The following MYL3 variants were observed in gnomAD, a reference collection of about 807,000 sequenced individuals.
MYL3 encodes CMLC1.
Under a neutral mutation model 21.3 loss-of-function variants are expected in MYL3, and 11 were observed. The ratio of observed to expected loss-of-function variants is 0.52; its 90% confidence interval spans 0.32 to 0.85. The LOEUF (loss-of-function observed/expected upper bound fraction) is 0.85, where lower values mean the gene tolerates loss of function less well. MYL3 is among the 40% of genes least tolerant of loss of function. MYL3 has a pLI of 0.03. For synonymous variants in MYL3, 88 were observed against 91.6 expected, an observed-to-expected ratio of 0.96 and a Z score of 0.22; for missense variants, 206 against 253.3, an observed-to-expected ratio of 0.81 and a Z score of 1.27.
Position 46,874,561 on chromosome 3 carries a change from G to T in MYL3, c.-218+7513C>A, listed in dbSNP as rs6808052. ...TCCCTTCAAACCGCAGGGCCCAGCC[G>T]GCCTCTGGAACGCGTGCCCGGGACC... On this transcript the variant is annotated intron_variant, in intron 1 of 3. Coordinates refer to the MYL3 transcript ENST00000431168. This position sits in a 1 kb window ranked among gnomAD's most constrained non-coding sequence, Gnocchi z 4.1. Among the ~76,000 whole-genome samples the T allele has an allele frequency of 6.6e-6, 1 of 152,038 alleles. No homozygotes were observed. The highest frequency in any genetic ancestry group is 6.6e-5 in the Admixed American group (1 of 15,264).
upstream of MYL3, among the ~76,000 whole-genome samples, chr3:46,865,071 G>A (rs540910190): frequency 5.3e-5 from 8 of 152,308 alleles, no homozygotes; most frequent in South Asian, 1.7e-3. This position sits in a 1 kb window ranked among gnomAD's most constrained non-coding sequence, Gnocchi z 4.3. Context: ...GAGGCTGAGA[G>A]GTGCTGTGGG....
At chr3:46,862,043 T>A (rs1490768331) in intron 1 of MYL3, among the ~76,000 whole-genome samples, 3 of 152,166 alleles carry the variant, frequency 2.0e-5, no homozygotes, top group African/African-American at 7.2e-5. Context: ...GTCTCTGGGC[T>A]CCTGGCAAAG....
Position 46,858,427 on chromosome 3 carries a change from C to T in MYL3, c.516G>A (p.Leu172=), listed in dbSNP as rs367761724. ...ERLTEDEVEK[L]MAGQEDSNGC... ...CATTGGAGTCCTCTTGCCCAGCCAT[C>T]AACTTCTCCACTTCGTCTTCTGTCA... Residue 172 remains leucine (L), a synonymous_variant, in exon 5 of 7, where the codon TTG becomes TTA. Transcript: ENST00000292327. 1.7e-5 allele frequency: 28 copies of T among 1,613,972 alleles called. No homozygotes were observed. In the African/African-American group the frequency reaches 2.8e-4, roughly 16 times the overall value.
At chr3:46,881,926 T>C (rs1307155633) in intron 1 of MYL3, 1 of 152,118 alleles carries the variant, frequency 6.6e-6, no homozygotes, top group Non-Finnish European at 1.5e-5. Context: ...TCAGGGTCTC[T>C]ATTCGCCAGC....
Position 46,860,539 on chromosome 3 carries a change from A to G in MYL3, c.307+137T>C. 8.8e-6 allele frequency: 11 copies of G among 1,254,204 alleles called. No individual in the cohort carries two copies. In the South Asian group the frequency reaches 1.5e-4, roughly 17 times the overall value. The allele number at this position is 1,254,204 out of a possible 1,614,324, so 77.7% of individuals were successfully genotyped here. On this transcript the variant is annotated intron_variant, in intron 3 of 6. Transcript: ENST00000292327. This position sits in a 1 kb window ranked among gnomAD's most constrained non-coding sequence, Gnocchi z 4.6. Reference sequence around the variant, plus strand: ...GTCACCTGGTCGGCATGGCCCTGTGACTGGCCTCGGTGCCCTCATCGGGAC... The same window carrying G: ...GTCACCTGGTCGGCATGGCCCTGTGGCTGGCCTCGGTGCCCTCATCGGGAC...
chr3:46,858,521 C>A, intron 4 of MYL3, 60 bp from the exon 5 acceptor site: 3 of 1,544,170 alleles, frequency 1.9e-6, no homozygotes, highest in Non-Finnish European at 2.7e-6. Context: ...GGGGTGGGGG[C>A]ACCCACTGAA....
Position 46,857,996 on chromosome 3 carries a change from TGCAGGAG to T in MYL3, c.*112_*118del. 5.1e-6 allele frequency: 3 copies of T among 592,682 alleles called. No individual in the cohort carries two copies. The highest frequency in any genetic ancestry group is 9.1e-6 in the Non-Finnish European group (3 of 331,178). The allele number at this position is 592,682 out of a possible 1,614,324, so 36.7% of individuals were successfully genotyped here. ...CCACGTGGAGAGGTCCAAGGGTTTT[TGCAGGAG>T]TCTTGGTAAGGCTCCCCTCCTTCCC... On this transcript the variant is annotated 3_prime_UTR_variant, in exon 7 of 7. Coordinates refer to ENST00000292327, the MANE Select transcript of MYL3 (RefSeq NM_000258.3). The surrounding 1 kb of genome is among the most constrained non-coding windows in gnomAD (Gnocchi z 5.0).
chr3:46,860,690 T>G lies in MYL3; in HGVS notation c.293A>C (p.Lys98Thr). 2 of 1,613,988 alleles carry G rather than the reference T, an allele frequency of 1.2e-6. No individual in the cohort carries two copies. Among genetic ancestry groups the G allele is most frequent in the Admixed American group, 1.7e-5 (1 of 60,020 alleles). The part of the protein sequence containing the change: ...TQAEVLRVLG[K>T]PRQEELNTKM... ...AGGTGCACTACCTTCCTGTCTTGGC[T>G]TCCCCAGGACACGGAGCACTTCTGC... The change falls in exon 3 of 7, where the codon AAG (lysine) becomes ACG (threonine). Residue 98 changes from lysine to threonine, a missense_variant. By Grantham distance (78) the Lys-to-Thr change is moderately conservative (BLOSUM62 -1). Transcript: ENST00000292327. This position sits in a 1 kb window ranked among gnomAD's most constrained non-coding sequence, Gnocchi z 4.6.
At chr3:46,867,804 C>G (rs1418656045), upstream of MYL3, among the ~76,000 whole-genome samples, 2 of 152,224 alleles carry the variant, frequency 1.3e-5, no homozygotes, top group African/African-American at 4.8e-5. Flanking sequence ...TCCTGGGGAC[C>G]CTGTCCTGGT....
At chr3:46,878,833 T>C (rs2106937397) in intron 1 of MYL3, among the ~76,000 whole-genome samples, 2 of 152,158 alleles carry the variant, frequency 1.3e-5, no homozygotes, top group Middle Eastern at 6.8e-3. Context: ...AGTTCTGAGA[T>C]CCAGTGACCA....
In MYL3 at chr3:46,859,661, G is replaced by A; in HGVS notation, c.308-13C>T. ...TTGGTATTGAGCTCTGCAGAGAAAT[G>A]GTCCCAGGTTCCAGGGTCTAAGGCT... On this transcript the variant is annotated splice_polypyrimidine_tract_variant and intron_variant, in intron 3 of 6. Transcript: ENST00000292327. This position sits in a 1 kb window ranked among gnomAD's most constrained non-coding sequence, Gnocchi z 4.1. 6.2e-7 allele frequency: 1 copy of A among 1,614,100 alleles called. No individual in the cohort carries two copies. The highest frequency in any genetic ancestry group is 8.5e-7 in the Non-Finnish European group (1 of 1,179,988).
rs573461984 is a variant in MYL3 at position 46,879,151 on chromosome 3, CTG to C, written c.-218+2921_-218+2922del. ...GCTGTGGAATGTCCAGCAGGGGACTCTGGGGTGAGGCACATGAGTTATGGCAG... is the reference window on the plus strand; with the variant it reads ...GCTGTGGAATGTCCAGCAGGGGACTCGGGTGAGGCACATGAGTTATGGCAG... On this transcript the variant is annotated intron_variant, in intron 1 of 3. Transcript: ENST00000431168. This position sits in a 1 kb window ranked among gnomAD's most constrained non-coding sequence, Gnocchi z 4.7. 4.2e-4 allele frequency among the ~76,000 whole-genome samples: 64 copies of C among 152,288 alleles called. No individual in the cohort carries two copies. Among genetic ancestry groups the C allele is most frequent in the African/African-American group, 1.5e-3 (61 of 41,560 alleles).
chr3:46,873,381 C>T (rs1397017239), intron 1 of MYL3, among the ~76,000 whole-genome samples: 2 of 152,254 alleles, frequency 1.3e-5, no homozygotes, highest in Non-Finnish European at 2.9e-5. Flanking sequence ...GCCCAACACA[C>T]AGTAAGGTGC....
rs1371253171 is a variant in MYL3, at chr3:46,869,286, T to C, written c.-217-2686A>G. Among the ~76,000 whole-genome samples, 4 of 152,204 alleles carry C rather than the reference T, an allele frequency of 2.6e-5. No individual in the cohort carries two copies. The South Asian group carries it at 8.3e-4, about 32-fold the overall frequency. ...TTTAGGATCGGGGTCTGGGAGCTGC[T>C]ATTGAGGTTTGCAGGGGCTCAGCAG... is the stretch of plus-strand genomic sequence containing the variant. On this transcript the variant is annotated intron_variant, in intron 1 of 3. Transcript: ENST00000431168.
upstream of MYL3, among the ~76,000 whole-genome samples, chr3:46,867,352 G>A (rs1051939934): frequency 6.6e-6 from 1 of 152,224 alleles, no homozygotes; most frequent in African/African-American, 2.4e-5. Flanking sequence ...TTCCAGATCA[G>A]CGTGGCCCTG....
At chr3:46,881,191 CGA>C (rs2030535877) in intron 1 of MYL3, 1 of 152,332 alleles carries the variant, frequency 6.6e-6, no homozygotes, top group Middle Eastern at 3.1e-3. Flanking sequence ...GCTTCCTCCG[CGA>C]TCCTTAAAGC....
At chr3:46,876,644 C>T (rs950351097) in intron 1 of MYL3, among the ~76,000 whole-genome samples, 1 of 152,206 alleles carries the variant, frequency 6.6e-6, no homozygotes, top group Non-Finnish European at 1.5e-5. Flanking sequence ...GTGGTACCCT[C>T]CCCAGGAGCC....
intron 1 of MYL3, among the ~76,000 whole-genome samples, chr3:46,870,460 ACCCCACCTAGCCATGGTGGC>A (rs1702098541): frequency 1.3e-5 from 2 of 149,912 alleles, no homozygotes; most frequent in African/African-American, 4.9e-5. Flanking sequence ...CCCCTTGCAG[ACCCCACCTAGCCATGGTGGC>A]CCCCTACACC....
chr3:46,878,078 C>A (rs143847970), intron 1 of MYL3, among the ~76,000 whole-genome samples: 2 of 152,310 alleles, frequency 1.3e-5, no homozygotes, highest in East Asian at 3.9e-4. Context: ...TAGGAGTGCT[C>A]CCTGGTTGGG....
Sources: gnomAD v4.1 joint callset for allele counts (sites outside exome capture counted in the v4.1 genomes callset) on GRCh38, gnomAD v4.1.1 for gene constraint, Gnocchi (gnomAD v3.1) non-coding constraint, MANE v1.5 for transcripts, NCBI Gene and HGNC (gene_info 2026-07-23, HGNC 2026-07-21) for gene names.